RBFOX3: variants seen among roughly 807,000 people sequenced by gnomAD.
RBFOX3 encodes the protein RNA binding protein fox-1 homolog 3.
RBFOX3 carries 17 observed loss-of-function variants against 48.7 expected under a neutral mutation model. That is an observed-to-expected ratio of 0.35 (90% confidence interval 0.24 to 0.52). RBFOX3 has a LOEUF of 0.52. Ranked by LOEUF, RBFOX3 falls within the 20% of genes least tolerant of loss-of-function variation. The probability of loss-of-function intolerance (pLI) is 0.94; values close to 1 mark genes in which losing one functional copy is unlikely to be tolerated. For missense variants in RBFOX3, 382 were observed against 497.5 expected (o/e 0.77, Z 2.21); for synonymous variants, 212 against 209.5 (o/e 1.01, Z -0.10).
At chr17:79,225,060 G>C (rs1332283584) in intron 4 of RBFOX3, among the ~76,000 whole-genome samples, 3 of 152,194 alleles carry the variant, frequency 2.0e-5, no homozygotes, top group East Asian at 1.9e-4. Flanking sequence ...CACCCCAGGA[G>C]TCAGTGCCCT....
intron 3 of RBFOX3, among the ~76,000 whole-genome samples, chr17:79,250,229 A>C (rs1355082583): frequency 6.6e-6 from 1 of 152,140 alleles, no homozygotes; most frequent in Non-Finnish European, 1.5e-5. Flanking sequence ...TATCACACCC[A>C]TGTCCCGGTG....
intron 4 of RBFOX3, among the ~76,000 whole-genome samples, chr17:79,167,891 C>T (rs2048350157): frequency 6.6e-6 from 1 of 152,200 alleles, no homozygotes; most frequent in African/African-American, 2.4e-5. Context: ...AGCACAGAAC[C>T]TCCAAAGGCT....
In RBFOX3 at chr17:79,095,099, AC is replaced by A. The variant is rs1172363644; in HGVS notation, c.998+413del. On this transcript the variant is annotated intron_variant, in intron 13 of 14. Coordinates refer to ENST00000693108, the MANE Select transcript of RBFOX3 (RefSeq NM_001350451.2). The stretch of plus-strand genomic sequence containing the variant: ...CCGGGGCTGCCAGGAGGGAGGGGGT[AC>A]AAGCGGTCCCCAGACCAGAGTGGTG... 3.3e-5 allele frequency among the ~76,000 whole-genome samples: 5 copies of A among 152,254 alleles called. No homozygotes were observed. In the Middle Eastern group the frequency reaches 0.01, roughly 311 times the overall value.
chr17:79,207,243 T>C (rs770930970), intron 4 of RBFOX3, among the ~76,000 whole-genome samples: 3 of 152,234 alleles, frequency 2.0e-5, no homozygotes, highest in Non-Finnish European at 2.9e-5. Flanking sequence ...ATGAGCTTAT[T>C]GGGCTTAATG....
At chr17:79,399,800 G>A (rs1229923823) in intron 2 of RBFOX3, among the ~76,000 whole-genome samples, 3 of 152,328 alleles carry the variant, frequency 2.0e-5, no homozygotes, top group South Asian at 2.1e-4. Flanking sequence ...ACCCTCGGGC[G>A]CTCCCGTCTT....
intron 2 of RBFOX3, among the ~76,000 whole-genome samples, chr17:79,330,473 G>A (rs961767229): frequency 2.0e-5 from 3 of 151,834 alleles, no homozygotes; most frequent in East Asian, 3.9e-4. Flanking sequence ...TTCTTTTCAC[G>A]CTGCAGAATC....
chr17:79,125,486 A>G (rs1245742344), intron 4 of RBFOX3, among the ~76,000 whole-genome samples: 3 of 152,338 alleles, frequency 2.0e-5, no homozygotes, highest in South Asian at 2.1e-4. Context: ...CCCTTGGCCA[A>G]TGTGCTCTCC....
chr17:79,152,320 G>A (rs9789020), intron 4 of RBFOX3, among the ~76,000 whole-genome samples: 97,844 of 151,896 alleles, frequency 0.64, 31,877 homozygotes, highest in Non-Finnish European at 0.69. Context: ...GCTGAGAGGC[G>A]GCTGCTTCGG....
At chr17:79,264,030 G>A (rs1255178381) in intron 3 of RBFOX3, among the ~76,000 whole-genome samples, 1 of 151,810 alleles carries the variant, frequency 6.6e-6, no homozygotes, top group Non-Finnish European at 1.5e-5. Flanking sequence ...GGAGCCCCTA[G>A]AAGCTGGAAA....
At chr17:79,255,770 C>T (rs747712356) in intron 3 of RBFOX3, among the ~76,000 whole-genome samples, 10 of 151,962 alleles carry the variant, frequency 6.6e-5, no homozygotes, top group Non-Finnish European at 1.2e-4. Context: ...GCTTCTCCTC[C>T]TCCATGGCTG....
intron 4 of RBFOX3, among the ~76,000 whole-genome samples, chr17:79,224,407 A>G (rs1045409725): frequency 1.3e-5 from 2 of 152,202 alleles, no homozygotes; most frequent in African/African-American, 4.8e-5. Flanking sequence ...GCTTTCCAAG[A>G]CAGATCAACC....
intron 1 of RBFOX3, among the ~76,000 whole-genome samples, chr17:79,503,545 G>T (rs1457501640): frequency 2.0e-5 from 3 of 152,144 alleles, no homozygotes; most frequent in Admixed American, 1.3e-4. Context: ...GTGGTCTTTG[G>T]TACCCCATGT....
At chr17:79,495,178 G>C (rs1042016142) in intron 1 of RBFOX3, among the ~76,000 whole-genome samples, 19 of 151,060 alleles carry the variant, frequency 1.3e-4, no homozygotes, top group Non-Finnish European at 2.4e-4. Context: ...CCTGGCTTAC[G>C]TCGGGTGGGA....
intron 4 of RBFOX3, among the ~76,000 whole-genome samples, chr17:79,146,954 C>T (rs576972653): frequency 1.3e-5 from 2 of 152,342 alleles, no homozygotes; most frequent in African/African-American, 2.4e-5. Flanking sequence ...ATGATCAAAA[C>T]GGGCCCCCTG....
At chr17:79,603,140 A>G (rs1037906231) in intron 1 of RBFOX3, among the ~76,000 whole-genome samples, 1 of 151,948 alleles carries the variant, frequency 6.6e-6, no homozygotes, top group African/African-American at 2.4e-5. Context: ...ATAGGCGTGC[A>G]CCATCATACC....
chr17:79,330,992 G>T (rs2080196063), intron 2 of RBFOX3, among the ~76,000 whole-genome samples: 1 of 152,086 alleles, frequency 6.6e-6, no homozygotes, highest in South Asian at 2.1e-4. Flanking sequence ...CATGAATGTG[G>T]GTCCCATCCC....
intron 1 of RBFOX3, among the ~76,000 whole-genome samples, chr17:79,543,563 C>T (rs2090008776): frequency 6.6e-6 from 1 of 152,174 alleles, no homozygotes; most frequent in Non-Finnish European, 1.5e-5. Flanking sequence ...TTCCTGCCAA[C>T]TTCACACTCC....
In RBFOX3 at chr17:79,361,123, C is replaced by T. The variant is rs572706497; in HGVS notation, c.-174-53299G>A. Among the ~76,000 whole-genome samples the T allele has an allele frequency of 2.0e-5, 3 of 152,220 alleles. No individual in the cohort carries two copies. Among genetic ancestry groups the T allele is most frequent in the South Asian group, 4.2e-4 (2 of 4,816 alleles). ...GTCAAGAAAGACACACATTTGGCTC[C>T]AAAGGTTTGAAAGAGGGTGACAGAC... is the stretch of plus-strand genomic sequence containing the variant. On this transcript the variant is annotated intron_variant, in intron 2 of 14. Coordinates refer to ENST00000693108, the MANE Select transcript of RBFOX3 (RefSeq NM_001350451.2). The surrounding 1 kb of genome is among the most constrained non-coding windows in gnomAD (Gnocchi z 4.5).
chr17:79,122,337 A>G (rs12950304), intron 4 of RBFOX3, among the ~76,000 whole-genome samples: 108,074 of 152,022 alleles, frequency 0.71, 38,757 homozygotes, highest in East Asian at 0.84. Context: ...AGGGTCCTGC[A>G]CGACCCCTGC....
Sources: allele counts gnomAD v4.1 joint callset (sites outside exome capture counted in the v4.1 genomes callset), GRCh38; gene constraint gnomAD v4.1.1; non-coding constraint Gnocchi (gnomAD v3.1); transcripts MANE v1.5; gene names NCBI Gene and HGNC (gene_info 2026-07-23, HGNC 2026-07-21).